AKT3: variants seen among roughly 807,000 people sequenced by gnomAD.
The protein encoded by AKT3 is RAC-gamma serine/threonine-protein kinase.
AKT3 carries 15 observed loss-of-function variants against 65.3 expected under a neutral mutation model. That is an observed-to-expected ratio of 0.23 (90% CI 0.15 to 0.35). The LOEUF (loss-of-function observed/expected upper bound fraction) is 0.35, where lower values mean the gene tolerates loss of function less well. Among genes scored for constraint, AKT3 ranks in the 10% least tolerant of loss-of-function variants. The pLI, the probability that AKT3 is intolerant of heterozygous loss-of-function variation, is 1.00. For missense variants in AKT3, 243 were observed against 576.5 expected, an observed-to-expected ratio of 0.42 and a Z score of 5.92; for synonymous variants, 206 against 183.8, an observed-to-expected ratio of 1.12 and a Z score of -0.98.
chr1:243,784,274 C>G (rs1168034078), intron 2 of AKT3, among the ~76,000 whole-genome samples: 1 of 151,876 alleles, frequency 6.6e-6, no homozygotes, highest in Non-Finnish European at 1.5e-5. Context: ...CAAACATAAT[C>G]CATTTGAGGA....
intron 1 of AKT3, 72 bp from the exon 2 acceptor site, chr1:243,843,354 T>A: frequency 7.6e-7 from 1 of 1,308,894 alleles, no homozygotes; most frequent in Non-Finnish European, 9.8e-7. Context: ...AAACAACTAA[T>A]TCTTTGTAAA....
chr1:243,692,428 T>A (rs1267807081), intron 3 of AKT3, among the ~76,000 whole-genome samples: 3 of 152,090 alleles, frequency 2.0e-5, no homozygotes, highest in African/African-American at 7.2e-5. Flanking sequence ...TCATCATCCC[T>A]AAACATAAAA....
intron 8 of AKT3, among the ~76,000 whole-genome samples, chr1:243,595,616 C>A (rs1163019532): frequency 6.6e-6 from 1 of 151,754 alleles, no homozygotes; most frequent in Middle Eastern, 3.2e-3. Context: ...TTTTTTTTAA[C>A]GTCTTTAACT....
intron 3 of AKT3, among the ~76,000 whole-genome samples, chr1:243,689,972 A>T (rs1189225843): frequency 2.0e-5 from 3 of 152,068 alleles, no homozygotes; most frequent in Non-Finnish European, 4.4e-5. Flanking sequence ...AAGAAAAAAG[A>T]AAAAAAAGAG....
intron 2 of AKT3, among the ~76,000 whole-genome samples, chr1:243,800,900 C>T (rs1692341978): frequency 6.6e-6 from 1 of 152,056 alleles, no homozygotes; most frequent in South Asian, 2.1e-4. Flanking sequence ...ATGTTCAGTT[C>T]CAGTTAATGA....
intron 2 of AKT3, among the ~76,000 whole-genome samples, chr1:243,770,901 A>T (rs1179004148): frequency 4.6e-5 from 7 of 152,150 alleles, no homozygotes; most frequent in Non-Finnish European, 1.0e-4. Context: ...AAGCCAGAGA[A>T]ATTTAAAAGC....
chr1:243,781,541 AT>A (rs1299378086), intron 2 of AKT3, among the ~76,000 whole-genome samples: 2 of 151,996 alleles, frequency 1.3e-5, no homozygotes, highest in East Asian at 3.9e-4. Flanking sequence ...TATTAACCCT[AT>A]TTTTTACCCA....
chr1:243,781,675 A>T (rs1690926036), intron 2 of AKT3, among the ~76,000 whole-genome samples: 1 of 152,146 alleles, frequency 6.6e-6, no homozygotes, highest in Non-Finnish European at 1.5e-5. Context: ...ACAGTTTTTT[A>T]AATGTATCTA....
At chr1:243,683,118 C>G (rs1223744541) in intron 3 of AKT3, among the ~76,000 whole-genome samples, 1 of 152,186 alleles carries the variant, frequency 6.6e-6, no homozygotes, top group Non-Finnish European at 1.5e-5. Flanking sequence ...GCTGTGGGCT[C>G]TGCCATTTGC....
chr1:243,830,001 T>C (rs1694404119), intron 2 of AKT3, among the ~76,000 whole-genome samples: 1 of 152,148 alleles, frequency 6.6e-6, no homozygotes, highest in East Asian at 1.9e-4. Flanking sequence ...AGAGAAACAT[T>C]GACAAACTGA....
chr1:243,781,948 G>C (rs565004356), intron 2 of AKT3, among the ~76,000 whole-genome samples: 1 of 152,130 alleles, frequency 6.6e-6, no homozygotes, highest in Non-Finnish European at 1.5e-5. Flanking sequence ...TCAGCCTTCT[G>C]AGCAGCTGGG....
chr1:243,498,248 C>T (rs986837989), downstream of AKT3, among the ~76,000 whole-genome samples: 1 of 152,220 alleles, frequency 6.6e-6, no homozygotes, highest in Non-Finnish European at 1.5e-5. Context: ...GTGTTGGTGG[C>T]AGTCTCCGTG....
chr1:243,756,008 A>G (rs1014784796), intron 2 of AKT3, among the ~76,000 whole-genome samples: 1 of 152,256 alleles, frequency 6.6e-6, no homozygotes, highest in Non-Finnish European at 1.5e-5. Flanking sequence ...GATTGGTTAT[A>G]TACAGAAGAT....
At chr1:243,539,248 G>GAAGACA (rs1283042347) in intron 12 of AKT3, among the ~76,000 whole-genome samples, 1 of 152,060 alleles carries the variant, frequency 6.6e-6, no homozygotes, top group Non-Finnish European at 1.5e-5. Context: ...TACTTAACAT[G>GAAGACA]AAGACAACGA....
intron 11 of AKT3, among the ~76,000 whole-genome samples, chr1:243,549,875 G>A (rs1384874445): frequency 6.6e-6 from 1 of 152,050 alleles, no homozygotes; most frequent in Non-Finnish European, 1.5e-5. Context: ...ACCCTCTTCT[G>A]AATGAAGATT....
intron 1 of AKT3, among the ~76,000 whole-genome samples, chr1:243,849,600 C>T (rs1474546627): frequency 6.6e-6 from 1 of 152,000 alleles, no homozygotes; most frequent in African/African-American, 2.4e-5. Flanking sequence ...ATAACCTCGC[C>T]GCCGCCCCCG....
chr1:243,573,537 A>G (rs1277901079), intron 8 of AKT3, among the ~76,000 whole-genome samples: 2 of 152,312 alleles, frequency 1.3e-5, no homozygotes, highest in Middle Eastern at 3.4e-3. Flanking sequence ...ATATCTCTAA[A>G]AATATTTTCA....
chr1:243,649,805 G>A lies in AKT3; in HGVS notation c.285-3768C>T, dbSNP rs141627145. Reference sequence around the variant, plus strand: ...ATATGTACCACACTTTTTTTATCCCGTCTATCACTGATGGACATTTGGGTT... The same window carrying A: ...ATATGTACCACACTTTTTTTATCCCATCTATCACTGATGGACATTTGGGTT... On this transcript the variant is annotated intron_variant, in intron 4 of 13. Transcript: ENST00000673466. Among the ~76,000 whole-genome samples the A allele has an allele frequency of 6.6e-5, 10 of 152,040 alleles. No homozygotes were observed. In the East Asian group the frequency reaches 7.7e-4, roughly 12 times the overall value.
chr1:243,556,966 C>A, intron 10 of AKT3, among the ~76,000 whole-genome samples: 1 of 152,032 alleles, frequency 6.6e-6, no homozygotes. Flanking sequence ...TTTAATAGTT[C>A]TTAAGTGACA....
Sources: allele counts gnomAD v4.1 joint callset (sites outside exome capture counted in the v4.1 genomes callset), GRCh38; gene constraint gnomAD v4.1.1; transcripts MANE v1.5; gene names NCBI Gene and HGNC (gene_info 2026-07-23, HGNC 2026-07-21).